Variants in CHSY3 observed in about 807,000 individuals in gnomAD.
The protein encoded by CHSY3 is chondroitin sulfate synthase 3, also known as N-acetylgalactosaminyl-proteoglycan 3-beta-glucuronosyltransferase 3.
In CHSY3, 35 loss-of-function variants were observed where a neutral mutation model predicts 67.2. The ratio of observed to expected loss-of-function variants is 0.52; its 90% confidence interval spans 0.40 to 0.69. The LOEUF is 0.69. CHSY3 is among the 30% of genes least tolerant of loss of function. The pLI is 0.00. For synonymous variants in CHSY3, 474 were observed against 434.7 expected (o/e 1.09, Z -1.12); for missense variants, 1,069 against 1,138.5 (o/e 0.94, Z 0.88).
intron 2 of CHSY3, among the ~76,000 whole-genome samples, chr5:129,913,757 A>T (rs1211589343): frequency 6.6e-6 from 1 of 152,184 alleles, no homozygotes; most frequent in Admixed American, 6.5e-5. Flanking sequence ...ATTAAATGTT[A>T]TTTCAAAGAC....
At chr5:130,068,305 G>T (rs1348897822) in intron 2 of CHSY3, among the ~76,000 whole-genome samples, 2 of 152,020 alleles carry the variant, frequency 1.3e-5, no homozygotes, top group Non-Finnish European at 2.9e-5. Flanking sequence ...CAGTTTCAGA[G>T]GATTTCATAA....
intron 2 of CHSY3, among the ~76,000 whole-genome samples, chr5:130,126,170 C>G (rs73244876): frequency 0.054 from 8,176 of 151,998 alleles, 618 homozygotes; most frequent in African/African-American, 0.15. Flanking sequence ...TATGGAGTCC[C>G]TAACACATGG....
chr5:129,976,114 A>G (rs1352090883), intron 2 of CHSY3, among the ~76,000 whole-genome samples: 1 of 152,192 alleles, frequency 6.6e-6, no homozygotes, highest in Non-Finnish European at 1.5e-5. Context: ...TCTACTTGAT[A>G]CAATAGTTGG....
intron 2 of CHSY3, among the ~76,000 whole-genome samples, chr5:129,937,561 C>T (rs1761541294): frequency 6.6e-6 from 1 of 152,074 alleles, no homozygotes. Context: ...AAAGTCTTAA[C>T]TCACTCCAGC....
intron 2 of CHSY3, among the ~76,000 whole-genome samples, chr5:129,999,623 C>T (rs1481924774): frequency 1.3e-5 from 2 of 152,072 alleles, no homozygotes; most frequent in African/African-American, 4.8e-5. Context: ...CTCATTTTGT[C>T]CTATTCTCTT....
intron 2 of CHSY3, among the ~76,000 whole-genome samples, chr5:130,151,212 C>T (rs30264): frequency 0.86 from 130,970 of 152,176 alleles, 56,508 homozygotes; most frequent in Middle Eastern, 0.9. Flanking sequence ...TACAGGTACA[C>T]TTTTAAGTTT....
chr5:129,943,402 T>C (rs901209031), intron 2 of CHSY3, among the ~76,000 whole-genome samples: 1 of 152,242 alleles, frequency 6.6e-6, no homozygotes, highest in Non-Finnish European at 1.5e-5. Flanking sequence ...GCGATTGTCA[T>C]ATTAAATTAA....
chr5:130,042,123 C>A (rs1296208109), intron 2 of CHSY3, among the ~76,000 whole-genome samples: 1 of 152,032 alleles, frequency 6.6e-6, no homozygotes, highest in Non-Finnish European at 1.5e-5. Context: ...GTAGTCCCAG[C>A]TACTTGGGAG....
At chr5:130,033,841 A>C (rs1034064981) in intron 2 of CHSY3, among the ~76,000 whole-genome samples, 1 of 152,182 alleles carries the variant, frequency 6.6e-6, no homozygotes, top group African/African-American at 2.4e-5. Flanking sequence ...TGGTCTTTCT[A>C]TTAGTACAAA....
intron 2 of CHSY3, among the ~76,000 whole-genome samples, chr5:130,181,879 A>T (rs1322744209): frequency 6.6e-6 from 1 of 152,096 alleles, no homozygotes; most frequent in East Asian, 1.9e-4. Context: ...ATTGTTTTTC[A>T]TTACATGAAT....
intron 2 of CHSY3, among the ~76,000 whole-genome samples, chr5:130,124,439 A>G (rs1447977040): frequency 1.3e-5 from 2 of 151,954 alleles, no homozygotes; most frequent in Admixed American, 6.6e-5. Context: ...TACAAATACC[A>G]AAAACATACA....
At position 130,185,600 on chromosome 5, in the gene CHSY3, A is replaced by C. The variant is rs1490516248; in HGVS notation, c.2458A>C (p.Arg820=). 3.7e-6 allele frequency: 6 copies of C among 1,614,172 alleles called. No homozygotes were observed. The Admixed American group carries it at 1.0e-4, about 27-fold the overall frequency. ...CAATAAAGTCATTCTATCTGGCTTA[A>C]GGCCATTCAGAAGCCAAGAAGTAGG... ...LYNKVILSGL[R]PFRSQEVGVV... Residue 820 remains arginine, a synonymous_variant, in exon 3 of 3, where the codon AGG becomes CGG. Transcript: ENST00000305031.
chr5:130,176,131 T>C (rs1036050222), intron 2 of CHSY3, among the ~76,000 whole-genome samples: 1 of 151,604 alleles, frequency 6.6e-6, no homozygotes, highest in Non-Finnish European at 1.5e-5. Flanking sequence ...CCAGAATCCA[T>C]AGGAACTTAA....
chr5:130,112,790 G>T (rs549544961), intron 2 of CHSY3, among the ~76,000 whole-genome samples: 1 of 151,940 alleles, frequency 6.6e-6, no homozygotes, highest in Non-Finnish European at 1.5e-5. Context: ...AAGCAAAAAG[G>T]CAATGAAAGA....
chr5:130,019,526 T>G (rs553457527), intron 2 of CHSY3, among the ~76,000 whole-genome samples: 1 of 152,298 alleles, frequency 6.6e-6, no homozygotes, highest in East Asian at 1.9e-4. Flanking sequence ...CCCCTCTTCC[T>G]TAGTTCAAGT....
intron 2 of CHSY3, among the ~76,000 whole-genome samples, chr5:130,181,782 A>T (rs1770257354): frequency 6.6e-6 from 1 of 152,194 alleles, no homozygotes; most frequent in South Asian, 2.1e-4. Context: ...CATAAATGGA[A>T]TAATACAAAA....
chr5:130,085,985 T>C (rs527329416), intron 2 of CHSY3, among the ~76,000 whole-genome samples: 1 of 152,274 alleles, frequency 6.6e-6, no homozygotes, highest in African/African-American at 2.4e-5. Flanking sequence ...CAGTTTGTTA[T>C]AATTTCCGTT....
chr5:129,937,272 T>C (rs1297643764), intron 2 of CHSY3, among the ~76,000 whole-genome samples: 2 of 152,138 alleles, frequency 1.3e-5, no homozygotes, highest in Non-Finnish European at 1.5e-5. Flanking sequence ...CATCTTCACA[T>C]GGCTGGCAAG....
chr5:129,910,714 A>G (rs190049303), intron 2 of CHSY3, among the ~76,000 whole-genome samples: 2 of 152,138 alleles, frequency 1.3e-5, no homozygotes, highest in East Asian at 3.9e-4. Flanking sequence ...ACATTCACAG[A>G]TCCCATACTT....
Sources: allele counts gnomAD v4.1 joint callset (sites outside exome capture counted in the v4.1 genomes callset), GRCh38; gene constraint gnomAD v4.1.1; transcripts MANE v1.5; gene names NCBI Gene and HGNC (gene_info 2026-07-23, HGNC 2026-07-21).